SPOCK3: variants seen among roughly 807,000 people sequenced by gnomAD.
SPOCK3 encodes SPARC (osteonectin), cwcv and kazal like domains proteoglycan 3.
Under a neutral mutation model 56.6 loss-of-function variants are expected in SPOCK3, and 30 were observed. The ratio of observed to expected loss-of-function variants is 0.53; its 90% CI spans 0.40 to 0.72. The LOEUF is 0.72. Ranked by LOEUF, SPOCK3 falls within the 30% of genes least tolerant of loss-of-function variation. SPOCK3 has a pLI of 0.00. For missense variants in SPOCK3, 527 were observed against 530.0 expected (o/e 0.99, Z 0.06); for synonymous variants, 196 against 183.3 (o/e 1.07, Z -0.56).
At chr4:166,813,794 T>C (rs1744096813) in intron 6 of SPOCK3, among the ~76,000 whole-genome samples, 1 of 151,864 alleles carries the variant, frequency 6.6e-6, no homozygotes, top group Admixed American at 6.6e-5. Flanking sequence ...ACAGAGAAGG[T>C]ATGAAAAAAA....
At chr4:166,870,215 A>G (rs927247959) in intron 6 of SPOCK3, among the ~76,000 whole-genome samples, 1 of 152,132 alleles carries the variant, frequency 6.6e-6, no homozygotes, top group Non-Finnish European at 1.5e-5. Context: ...GGGACAGCTG[A>G]GATCAGCTTA....
intron 6 of SPOCK3, among the ~76,000 whole-genome samples, chr4:166,795,201 T>C (rs1741800053): frequency 6.6e-6 from 1 of 152,152 alleles, no homozygotes; most frequent in Admixed American, 6.5e-5. Flanking sequence ...GTCCAAATCA[T>C]AGGTATTTGG....
At chr4:167,148,691 G>T (rs1392456391) in intron 2 of SPOCK3, among the ~76,000 whole-genome samples, 1 of 151,906 alleles carries the variant, frequency 6.6e-6, no homozygotes, top group Non-Finnish European at 1.5e-5. Context: ...ATAGCCCTTA[G>T]GGACATATGC....
chr4:166,964,558 T>C (rs1277630491), intron 4 of SPOCK3, among the ~76,000 whole-genome samples: 3 of 151,794 alleles, frequency 2.0e-5, no homozygotes, highest in Admixed American at 6.6e-5. Context: ...CATCATATGG[T>C]ATACAACAGG....
chr4:167,005,218 C>T (rs1255622349), intron 3 of SPOCK3, among the ~76,000 whole-genome samples: 2 of 150,666 alleles, frequency 1.3e-5, no homozygotes, highest in Admixed American at 1.3e-4. Context: ...TTTCTTTATT[C>T]TTTTTTTTTG....
chr4:167,010,824 G>C (rs1014775610), intron 3 of SPOCK3, among the ~76,000 whole-genome samples: 2 of 152,006 alleles, frequency 1.3e-5, no homozygotes, highest in African/African-American at 2.4e-5. Context: ...TTCCAGTGGG[G>C]GGGAGATAAA....
In SPOCK3 at chr4:167,030,941, AT is replaced by A. The variant is rs1221655132; in HGVS notation, c.236-30479del. Among the ~76,000 whole-genome samples the A allele has an allele frequency of 2.0e-5, 3 of 152,154 alleles. No homozygotes were observed. In the East Asian group the frequency reaches 5.8e-4, roughly 29 times the overall value. ...TAGCCTGAACCAGGCACATTGCTCCATTTCCCGTCTGTGAGATATTTGTCAT... is the reference window on the plus strand; with the variant it reads ...TAGCCTGAACCAGGCACATTGCTCCATTCCCGTCTGTGAGATATTTGTCAT... On this transcript the variant is annotated intron_variant, in intron 3 of 10. Coordinates refer to ENST00000357545, the MANE Select transcript of SPOCK3 (RefSeq NM_001040159.2).
chr4:167,105,904 T>G (rs1017233132), intron 2 of SPOCK3, among the ~76,000 whole-genome samples: 1 of 151,950 alleles, frequency 6.6e-6, no homozygotes, highest in Non-Finnish European at 1.5e-5. Flanking sequence ...CATCATATCA[T>G]GATAAAGTGG....
intron 3 of SPOCK3, among the ~76,000 whole-genome samples, chr4:167,009,348 C>T (rs1749789557): frequency 2.0e-5 from 3 of 152,050 alleles, no homozygotes; most frequent in Non-Finnish European, 4.4e-5. Flanking sequence ...AATAAGAAAG[C>T]CCAGCAACTA....
intron 2 of SPOCK3, among the ~76,000 whole-genome samples, chr4:167,176,195 C>T (rs1383422369): frequency 6.6e-6 from 1 of 152,078 alleles, no homozygotes; most frequent in Non-Finnish European, 1.5e-5. Context: ...TACATTGGGC[C>T]ACAAGAAAAT....
At chr4:167,207,392 T>C (rs1332077359) in intron 2 of SPOCK3, among the ~76,000 whole-genome samples, 1 of 151,870 alleles carries the variant, frequency 6.6e-6, no homozygotes, top group African/African-American at 2.4e-5. Context: ...CAGAATACTG[T>C]CTAACTTTCT....
At chr4:166,926,395 GA>G (rs998610975) in intron 4 of SPOCK3, among the ~76,000 whole-genome samples, 2 of 152,058 alleles carry the variant, frequency 1.3e-5, no homozygotes, top group African/African-American at 4.8e-5. Context: ...TCAAATATTT[GA>G]GGAATATTAT....
intron 2 of SPOCK3, among the ~76,000 whole-genome samples, chr4:167,205,298 T>C (rs1417191048): frequency 4.8e-5 from 2 of 41,896 alleles, no homozygotes; most frequent in African/African-American, 1.9e-4. Context: ...TTTATATCTA[T>C]AATATATATT....
intron 6 of SPOCK3, among the ~76,000 whole-genome samples, chr4:166,813,986 T>G (rs1425239909): frequency 4.6e-5 from 7 of 151,942 alleles, no homozygotes; most frequent in African/African-American, 1.7e-4. Flanking sequence ...AAAACTTGAG[T>G]AAAAGAATAG....
At chr4:166,968,856 C>A (rs1745047362) in intron 4 of SPOCK3, among the ~76,000 whole-genome samples, 1 of 152,144 alleles carries the variant, frequency 6.6e-6, no homozygotes. Context: ...TTGCACCATG[C>A]ACCTAGAAAA....
chr4:167,095,747 A>T (rs956150129), intron 2 of SPOCK3, among the ~76,000 whole-genome samples: 2 of 151,566 alleles, frequency 1.3e-5, no homozygotes, highest in African/African-American at 4.9e-5. Flanking sequence ...CCAAACTTGC[A>T]TGAGGAAATT....
intron 2 of SPOCK3, among the ~76,000 whole-genome samples, chr4:167,103,038 G>A (rs1178836165): frequency 6.6e-6 from 1 of 151,604 alleles, no homozygotes; most frequent in African/African-American, 2.4e-5. Context: ...CCGTGGTAGG[G>A]ACATGAGGCC....
intron 2 of SPOCK3, among the ~76,000 whole-genome samples, chr4:167,201,756 G>A (rs1234157184): frequency 1.3e-5 from 2 of 151,210 alleles, no homozygotes; most frequent in Non-Finnish European, 3.0e-5. Flanking sequence ...GTTCTGTGAT[G>A]TATCTAAAGT....
chr4:167,160,585 T>C (rs1765208740), intron 2 of SPOCK3, among the ~76,000 whole-genome samples: 1 of 102,574 alleles, frequency 9.7e-6, no homozygotes, highest in Non-Finnish European at 2.0e-5. Flanking sequence ...CATCGCCAAG[T>C]AATCCTAAGC....
Sources: allele counts gnomAD v4.1 joint callset (sites outside exome capture counted in the v4.1 genomes callset), GRCh38; gene constraint gnomAD v4.1.1; transcripts MANE v1.5; gene names NCBI Gene and HGNC (gene_info 2026-07-23, HGNC 2026-07-21).